TAF1A: variants seen among roughly 807,000 people sequenced by gnomAD.
TAF1A encodes TATA box-binding protein-associated factor RNA polymerase I subunit A.
Under a neutral mutation model 61.6 loss-of-function variants are expected in TAF1A, and 42 were observed. The observed-to-expected ratio is 0.68, with a 90% CI of 0.53 to 0.88. TAF1A has a LOEUF of 0.88. Ranked by LOEUF, TAF1A falls within the 40% of genes least tolerant of loss-of-function variation. The pLI is 0.00. For synonymous variants in TAF1A, 179 were observed against 177.7 expected, an observed-to-expected ratio of 1.01 and a Z score of -0.06; for missense variants, 424 against 518.7, an observed-to-expected ratio of 0.82 and a Z score of 1.77.
At chr1:222,587,339 A>C (rs543230904) in intron 2 of TAF1A, among the ~76,000 whole-genome samples, 9 of 152,328 alleles carry the variant, frequency 5.9e-5, no homozygotes, top group Admixed American at 5.9e-4. Context: ...GATACCACTT[A>C]AGAGTTTAAT....
chr1:222,583,578 A>G (rs1660883380), intron 3 of TAF1A, among the ~76,000 whole-genome samples: 2 of 152,034 alleles, frequency 1.3e-5, no homozygotes, highest in Non-Finnish European at 2.9e-5. Context: ...GGTGGCTCAC[A>G]CCTGTAATCC....
rs562090296 is a variant in TAF1A, at chr1:222,585,229, T to C, written c.122-932A>G. Among the ~76,000 whole-genome samples the C allele has an allele frequency of 5.9e-5, 9 of 152,320 alleles. No homozygotes were observed. The East Asian group carries it at 1.7e-3, about 29-fold the overall frequency. ...CGTAATTTTTTACAATAAATCATTA[T>C]GCAATTTTTCATCAATAATTTAGAA... On this transcript the variant is annotated intron_variant, in intron 2 of 10. Coordinates refer to ENST00000352967, the MANE Select transcript of TAF1A (RefSeq NM_005681.4).
chr1:222,570,623 AAC>A lies in TAF1A; in HGVS notation c.645_646del (p.Phe216GlnfsTer15). The A allele has an allele frequency of 5.0e-6, 8 of 1,612,796 alleles. No homozygotes were observed. The highest frequency in any genetic ancestry group is 6.8e-6 in the Non-Finnish European group (8 of 1,179,004). ...TGCAGATGTCTTCCAGCTGTGGTTG[AAC>A]ACATCCTGGGCTACTGCATTGTAAG... On this transcript the variant is annotated frameshift_variant, in exon 6 of 11. Transcript: ENST00000352967. LOFTEE classifies it high-confidence loss of function.
At position 222,563,198 on chromosome 1, in the gene TAF1A, T is replaced by C. The variant is rs375003643; in HGVS notation, c.1060A>G (p.Lys354Glu). 1 of 1,611,568 alleles carries C rather than the reference T, an allele frequency of 6.2e-7. No homozygotes were observed. Residue 354 changes from lysine to glutamate, a missense_variant, in exon 9 of 11, where the codon AAA (lysine) becomes GAA (glutamate). Lys to Glu is a moderately conservative substitution (Grantham distance 56). Coordinates refer to ENST00000352967, the MANE Select transcript of TAF1A (RefSeq NM_005681.4). ...KNITAWKYLAKYLKNILMGNH... is the reference protein window; with the variant it reads ...KNITAWKYLAEYLKNILMGNH... The stretch of plus-strand genomic sequence containing the variant: ...CCCATTAAGATATTTTTCAGATATT[T>C]TGCCAAGTATTTCCAAGCAGTTATA...
Position 222,584,126 on chromosome 1 carries a change from A to C in TAF1A, c.291+2T>G, listed in dbSNP as rs750199492. The C allele has an allele frequency of 6.2e-7, 1 of 1,605,166 alleles. No individual in the cohort carries two copies. On this transcript the variant is annotated splice_donor_variant, in intron 3 of 10. Transcript: ENST00000352967. LOFTEE classifies it high-confidence loss of function. The stretch of plus-strand genomic sequence containing the variant: ...CTTCCAGCAAACTCAAATTTTATTT[A>C]CCTCAGGTGCAGCCTGCCTTTTGTA...
chr1:222,583,041 T>C (rs995430045), intron 3 of TAF1A, among the ~76,000 whole-genome samples: 3 of 151,868 alleles, frequency 2.0e-5, no homozygotes, highest in East Asian at 1.9e-4. Context: ...AAAAACTAGA[T>C]AGGTGTGGTG....
At chr1:222,561,241 T>C in intron 10 of TAF1A, 123 bp downstream of exon 10, 2 of 940,586 alleles carry the variant, frequency 2.1e-6, no homozygotes, top group East Asian at 2.7e-5. Context: ...CATTGAGCAG[T>C]TATGTCTTAA....
intron 5 of TAF1A, among the ~76,000 whole-genome samples, chr1:222,575,197 T>C (rs910664038): frequency 6.6e-6 from 1 of 151,778 alleles, no homozygotes; most frequent in Non-Finnish European, 1.5e-5. Flanking sequence ...GATAGGAAAG[T>C]AGGTAAGACA....
chr1:222,560,703 C>A (rs765829823), intron 10 of TAF1A, among the ~76,000 whole-genome samples: 50 of 152,144 alleles, frequency 3.3e-4, no homozygotes, highest in Non-Finnish European at 6.6e-4. Context: ...CTTCAGGACA[C>A]CTTAAGCTCC....
intron 5 of TAF1A, among the ~76,000 whole-genome samples, chr1:222,571,578 C>T (rs944051492): frequency 4.0e-5 from 6 of 151,768 alleles, no homozygotes; most frequent in Admixed American, 1.3e-4. Flanking sequence ...TATGTCTATA[C>T]ACTTGCAATG....
chr1:222,571,991 T>C (rs1284068610), intron 5 of TAF1A, among the ~76,000 whole-genome samples: 3 of 152,076 alleles, frequency 2.0e-5, no homozygotes, highest in African/African-American at 7.2e-5. Context: ...CCGATGTGGG[T>C]GGATCACCTG....
intron 7 of TAF1A, among the ~76,000 whole-genome samples, chr1:222,567,362 A>G (rs1660160087): frequency 6.6e-6 from 1 of 152,230 alleles, no homozygotes; most frequent in South Asian, 2.1e-4. Context: ...ACATTCTGGA[A>G]ATAGACAGTG....
chr1:222,559,699 A>G (rs1219882738), intron 10 of TAF1A, among the ~76,000 whole-genome samples: 1 of 151,794 alleles, frequency 6.6e-6, no homozygotes, highest in African/African-American at 2.4e-5. Context: ...TTTTCCTGAG[A>G]TGGGGTCTCA....
In TAF1A at chr1:222,561,524, A is replaced by T. The variant is rs1659916096; in HGVS notation, c.1086-6T>A. Reference sequence around the variant, plus strand: ...GAACCCACGCAAGGTGGTTTCTGGAAAAGAAAAATGTCAAAAGAGAGGGTC... The same window carrying T: ...GAACCCACGCAAGGTGGTTTCTGGATAAGAAAAATGTCAAAAGAGAGGGTC... On this transcript the variant is annotated splice_polypyrimidine_tract_variant and splice_region_variant and intron_variant, in intron 9 of 10. Coordinates refer to ENST00000352967, the MANE Select transcript of TAF1A (RefSeq NM_005681.4). 3 of 1,587,010 alleles carry T rather than the reference A, an allele frequency of 1.9e-6. No homozygotes were observed. The East Asian group carries it at 6.8e-5, about 36-fold the overall frequency.
chr1:222,579,589 C>T (rs1660703821), intron 4 of TAF1A, among the ~76,000 whole-genome samples, 170 bp downstream of exon 4: 2 of 152,106 alleles, frequency 1.3e-5, no homozygotes. Context: ...GCCTGAAAAT[C>T]AAGAAGTAAA....
chr1:222,565,947 G>C (rs1660099629), intron 7 of TAF1A, among the ~76,000 whole-genome samples: 1 of 152,180 alleles, frequency 6.6e-6, no homozygotes, highest in Non-Finnish European at 1.5e-5. Flanking sequence ...ACATCTGAAG[G>C]TTTGATAATG....
chr1:222,566,223 T>C (rs1167773020), intron 7 of TAF1A, among the ~76,000 whole-genome samples: 1 of 152,148 alleles, frequency 6.6e-6, no homozygotes, highest in Admixed American at 6.6e-5. Flanking sequence ...CATGAAAAGA[T>C]ACACATCACT....
chr1:222,563,332 T>C, intron 8 of TAF1A, 36 bp from the exon 9 acceptor site: 1 of 1,599,618 alleles, frequency 6.3e-7, no homozygotes, highest in Non-Finnish European at 8.5e-7. Context: ...TTACATAAGG[T>C]ATTAAAGTGT....
intron 2 of TAF1A, among the ~76,000 whole-genome samples, chr1:222,584,526 C>T (rs1360762460): frequency 6.6e-6 from 1 of 152,152 alleles, no homozygotes; most frequent in Non-Finnish European, 1.5e-5. Flanking sequence ...CTACTAGAGT[C>T]ACCAGATCCT....
Sources: allele counts gnomAD v4.1 joint callset (sites outside exome capture counted in the v4.1 genomes callset), GRCh38; gene constraint gnomAD v4.1.1; transcripts MANE v1.5; gene names NCBI Gene and HGNC (gene_info 2026-07-23, HGNC 2026-07-21).